The following LYPD1 variants were observed in gnomAD, a reference collection of about 807,000 sequenced individuals.
LYPD1 encodes the protein ly6/PLAUR domain-containing protein 1.
Under a neutral mutation model 14.2 loss-of-function variants are expected in LYPD1, and 14 were observed. The observed-to-expected ratio is 0.99, with a 90% CI of 0.65 to 1.54. The LOEUF is 1.54. Among genes scored for constraint, LYPD1 ranks in the 40% most tolerant of loss-of-function variants. LYPD1 has a pLI of 0.00. For missense variants in LYPD1, 165 were observed against 175.7 expected (o/e 0.94, Z 0.34); for synonymous variants, 85 against 70.6 (o/e 1.20, Z -1.02).
In LYPD1 at chr2:132,669,667, C is replaced by T. The variant is rs1264446523; in HGVS notation, c.52+214G>A. On this transcript the variant is annotated intron_variant, in intron 1 of 2. Coordinates refer to ENST00000397463, the MANE Select transcript of LYPD1 (RefSeq NM_144586.7). This position sits in a 1 kb window ranked among gnomAD's most constrained non-coding sequence, Gnocchi z 4.3. ...CCGGACAAGCTGCAGCCCGGAGTCCCGCAAACCCGCCGCTCCCCGCTCTCC... is the reference window on the plus strand; with the variant it reads ...CCGGACAAGCTGCAGCCCGGAGTCCTGCAAACCCGCCGCTCCCCGCTCTCC... Among the ~76,000 whole-genome samples, 1 of 152,068 alleles carries T rather than the reference C, an allele frequency of 6.6e-6. No individual in the cohort carries two copies. The highest frequency in any genetic ancestry group is 6.5e-5 in the Admixed American group (1 of 15,286).
intron 2 of LYPD1, among the ~76,000 whole-genome samples, chr2:132,647,691 T>C (rs532833886): frequency 8.5e-5 from 13 of 152,320 alleles, no homozygotes; most frequent in African/African-American, 3.1e-4. Context: ...TGTTTAATAC[T>C]AAAGCTAGAC....
Position 132,644,875 on chromosome 2 carries a change from GTCTT to G in LYPD1, c.*1166_*1169del, listed in dbSNP as rs1168200850. The G allele has an allele frequency of 2.6e-5, 15 of 566,754 alleles. No individual in the cohort carries two copies. Among genetic ancestry groups the G allele is most frequent in the Admixed American group, 2.0e-4 (6 of 29,396 alleles). The allele number at this position is 566,754 out of a possible 1,614,324, so 35.1% of individuals were successfully genotyped here. A position where few individuals can be genotyped will look rare whatever the true frequency, so the allele number is the denominator to read the frequency against. On this transcript the variant is annotated 3_prime_UTR_variant, in exon 3 of 3. Coordinates refer to ENST00000397463, the MANE Select transcript of LYPD1 (RefSeq NM_144586.7). Reference sequence around the variant, plus strand: ...AATACACTGTCTAAAGCATTTAATGGTCTTTCTTTAACACAGCCAACTCCCCCGG... The same window carrying G: ...AATACACTGTCTAAAGCATTTAATGGTCTTTAACACAGCCAACTCCCCCGG...
At chr2:132,651,841 G>C (rs912725111) in intron 2 of LYPD1, among the ~76,000 whole-genome samples, 15 of 152,220 alleles carry the variant, frequency 9.9e-5, no homozygotes, top group Non-Finnish European at 1.5e-5. Flanking sequence ...GTCATATCAT[G>C]GCAAGAGGTC....
intron 2 of LYPD1, among the ~76,000 whole-genome samples, chr2:132,653,053 C>T (rs763477273): frequency 6.6e-6 from 1 of 152,162 alleles, no homozygotes; most frequent in African/African-American, 2.4e-5. Flanking sequence ...TTTCCAGAAG[C>T]CATGATCCTC....
At chr2:132,653,516 G>A (rs1480376456) in intron 2 of LYPD1, among the ~76,000 whole-genome samples, 1 of 152,162 alleles carries the variant, frequency 6.6e-6, no homozygotes, top group African/African-American at 2.4e-5. Flanking sequence ...AAATGCAGAA[G>A]GAATGAGGGA....
In LYPD1 at chr2:132,669,193, G is replaced by C. The variant is rs956469018; in HGVS notation, c.53-656C>G. ...AGGGTGGGAAAGGGCGTTTGTGAGC[G>C]CGCGCACCCTGGATCCCCGACCCCG... On this transcript the variant is annotated intron_variant, in intron 1 of 2. Coordinates refer to ENST00000397463, the MANE Select transcript of LYPD1 (RefSeq NM_144586.7). The surrounding 1 kb of genome is among the most constrained non-coding windows in gnomAD (Gnocchi z 4.3). 6.6e-6 allele frequency among the ~76,000 whole-genome samples: 1 copy of C among 152,106 alleles called. No individual in the cohort carries two copies. Among genetic ancestry groups the C allele is most frequent in the Non-Finnish European group, 1.5e-5 (1 of 68,018 alleles).
chr2:132,669,019 T>C lies in LYPD1; in HGVS notation c.53-482A>G, dbSNP rs1409580530. On this transcript the variant is annotated intron_variant, in intron 1 of 2. Coordinates refer to ENST00000397463, the MANE Select transcript of LYPD1 (RefSeq NM_144586.7). The surrounding 1 kb of genome is among the most constrained non-coding windows in gnomAD (Gnocchi z 4.3). The stretch of plus-strand genomic sequence containing the variant: ...TTAATTTTTAAAGTCAGCGTTTCTG[T>C]GCCAGGGCTCTGAGGATCCCTGAGC... Among the ~76,000 whole-genome samples, 1 of 152,246 alleles carries C rather than the reference T, an allele frequency of 6.6e-6. No individual in the cohort carries two copies. Among genetic ancestry groups the C allele is most frequent in the Non-Finnish European group, 1.5e-5 (1 of 68,040 alleles).
At chr2:132,665,886 T>G (rs569635549) in intron 2 of LYPD1, among the ~76,000 whole-genome samples, 2 of 152,218 alleles carry the variant, frequency 1.3e-5, no homozygotes, top group Non-Finnish European at 2.9e-5. Context: ...TAGGAGTCAC[T>G]GGGCTCTTTC....
At chr2:132,646,885 C>T (rs1027087080) in intron 2 of LYPD1, among the ~76,000 whole-genome samples, 11 of 152,164 alleles carry the variant, frequency 7.2e-5, no homozygotes, top group Admixed American at 2.0e-4. Flanking sequence ...AACGCTCTGT[C>T]GTCAGGACAC....
intron 2 of LYPD1, among the ~76,000 whole-genome samples, chr2:132,651,233 C>T (rs908828562): frequency 2.6e-4 from 39 of 152,170 alleles, no homozygotes; most frequent in African/African-American, 9.2e-4. Flanking sequence ...CCGCAGTCAA[C>T]CATCCTCAAA....
chr2:132,664,045 C>CTG (rs112365623), intron 2 of LYPD1, among the ~76,000 whole-genome samples: 2,133 of 151,664 alleles, frequency 0.014, 47 homozygotes, highest in African/African-American at 0.046. Flanking sequence ...AAATATATGA[C>CTG]TGTGTGTGTG....
rs183069572 is a variant in LYPD1 at position 132,668,328 on chromosome 2, A to G, written c.190+72T>C. 22 of 1,499,066 alleles carry G rather than the reference A, an allele frequency of 1.5e-5. No homozygotes were observed. In the Admixed American group the frequency reaches 2.6e-4, roughly 18 times the overall value. The allele number at this position is 1,499,066 out of a possible 1,614,324, so 92.9% of individuals were successfully genotyped here. On this transcript the variant is annotated intron_variant, in intron 2 of 2. Transcript: ENST00000397463. ...ATCAAAGTCAGTCCTTTTTCCTGCT[A>G]TTTAATGGCCCCCTCACTCCCACCC...
rs564862795 is a variant in LYPD1, at chr2:132,668,386, T to C, written c.190+14A>G. The C allele has an allele frequency of 1.3e-6, 2 of 1,598,424 alleles. No homozygotes were observed. The highest frequency in any genetic ancestry group is 4.6e-5 in the East Asian group (2 of 43,752). ...CAGGCTTAAGAGCGAGGGGGAGGGCTGCCAGGCTCTTACCGGCACTTTGCT... is the reference window on the plus strand; with the variant it reads ...CAGGCTTAAGAGCGAGGGGGAGGGCCGCCAGGCTCTTACCGGCACTTTGCT... On this transcript the variant is annotated intron_variant, in intron 2 of 2. Coordinates refer to ENST00000397463, the MANE Select transcript of LYPD1 (RefSeq NM_144586.7).
In LYPD1 at chr2:132,669,731, G is replaced by A; in HGVS notation, c.52+150C>T. 2 of 1,429,432 alleles carry A rather than the reference G, an allele frequency of 1.4e-6. No individual in the cohort carries two copies. The highest frequency in any genetic ancestry group is 1.8e-6 in the Non-Finnish European group (2 of 1,091,290). The allele number at this position is 1,429,432 out of a possible 1,614,324, so 88.5% of individuals were successfully genotyped here. ...GACTTGGACACTTTCCCAGCCTCGC[G>A]CCCCGGGGCACCAGTCGCGGCCGCC... is the stretch of plus-strand genomic sequence containing the variant. On this transcript the variant is annotated intron_variant, in intron 1 of 2. Transcript: ENST00000397463. The surrounding 1 kb of genome is among the most constrained non-coding windows in gnomAD (Gnocchi z 4.3).
chr2:132,667,383 TTC>T (rs1243860741), intron 2 of LYPD1, among the ~76,000 whole-genome samples: 5 of 152,172 alleles, frequency 3.3e-5, no homozygotes, highest in African/African-American at 9.7e-5. Flanking sequence ...TTCCAGGCCC[TTC>T]TCTGAGAAGA....
rs201633878 is a variant in LYPD1 at position 132,645,404 on chromosome 2, T to G, written c.*641A>C. The G allele has an allele frequency of 2.0e-4, 322 of 1,613,508 alleles. 1 individual carries two copies. The highest frequency in any genetic ancestry group is 2.2e-4 in the Non-Finnish European group (264 of 1,180,002). The stretch of plus-strand genomic sequence containing the variant: ...CACTCCACCACCGACAGCGCCCGCT[T>G]TGTGCAGCGCCCGTTGCTCTTCGCG... On this transcript the variant is annotated 3_prime_UTR_variant, in exon 3 of 3. Coordinates refer to ENST00000397463, the MANE Select transcript of LYPD1 (RefSeq NM_144586.7).
intron 2 of LYPD1, among the ~76,000 whole-genome samples, chr2:132,658,620 G>A (rs1324377472): frequency 2.0e-5 from 3 of 152,248 alleles, no homozygotes; most frequent in Admixed American, 1.3e-4. Context: ...GTGAAAGAGT[G>A]TAAGGGCAAA....
chr2:132,657,024 C>T (rs1454659905), intron 2 of LYPD1, among the ~76,000 whole-genome samples: 1 of 152,138 alleles, frequency 6.6e-6, no homozygotes, highest in Non-Finnish European at 1.5e-5. Context: ...AACAAGATAA[C>T]CCAAGAACAC....
At chr2:132,666,121 GAA>G (rs1445108516) in intron 2 of LYPD1, among the ~76,000 whole-genome samples, 1 of 152,212 alleles carries the variant, frequency 6.6e-6, no homozygotes, top group African/African-American at 2.4e-5. Flanking sequence ...GCAACCCACA[GAA>G]AAGAGTCAGA....
Sources: gnomAD v4.1 joint callset for allele counts (sites outside exome capture counted in the v4.1 genomes callset) on GRCh38, gnomAD v4.1.1 for gene constraint, Gnocchi (gnomAD v3.1) non-coding constraint, MANE v1.5 for transcripts, NCBI Gene and HGNC (gene_info 2026-07-23, HGNC 2026-07-21) for gene names.